DLG2: variants seen among roughly 807,000 people sequenced by gnomAD.
The protein encoded by DLG2 is discs large MAGUK scaffold protein 2.
DLG2 carries 45 observed loss-of-function variants against 132.5 expected under a neutral mutation model. That is an observed-to-expected ratio of 0.34 (90% CI 0.27 to 0.44). The LOEUF (loss-of-function observed/expected upper bound fraction) is 0.44. DLG2 is among the 20% of genes least tolerant of loss of function. The pLI, the probability that DLG2 is intolerant of heterozygous loss-of-function variation, is 1.00. For synonymous variants in DLG2, 424 were observed against 419.6 expected (o/e 1.01, Z -0.13); for missense variants, 1,045 against 1,196.9 (o/e 0.87, Z 1.87).
Position 83,471,741 on chromosome 11 carries a change from A to G in DLG2, c.2345-14T>C, listed in dbSNP as rs2092049277. ...GGGTGTAGTTTACTGCAGAATGGGA[A>G]AGGAAGATGTAGGTAAAGAGAAAGA... On this transcript the variant is annotated splice_polypyrimidine_tract_variant and intron_variant, in intron 23 of 27. Coordinates refer to ENST00000376104, the MANE Select transcript of DLG2 (RefSeq NM_001142699.3). The G allele has an allele frequency of 2.5e-6, 4 of 1,606,050 alleles. No individual in the cohort carries two copies. The highest frequency in any genetic ancestry group is 3.4e-6 in the Non-Finnish European group (4 of 1,173,316).
At chr11:83,951,138 A>G (rs993292582) in intron 14 of DLG2, among the ~76,000 whole-genome samples, 1 of 152,186 alleles carries the variant, frequency 6.6e-6, no homozygotes, top group Admixed American at 6.5e-5. Flanking sequence ...ACAGTATTAA[A>G]ACAAGCATTT....
intron 15 of DLG2, among the ~76,000 whole-genome samples, chr11:83,926,200 G>A (rs2078950863): frequency 6.6e-6 from 1 of 152,136 alleles, no homozygotes; most frequent in African/African-American, 2.4e-5. Context: ...CTGAGAACTT[G>A]GGTATTCCCA....
chr11:83,590,524 C>T (rs1293741209), intron 19 of DLG2, among the ~76,000 whole-genome samples: 11 of 151,634 alleles, frequency 7.3e-5, no homozygotes, highest in Non-Finnish European at 1.3e-4. Flanking sequence ...ACTAAATGCC[C>T]ACAAGAGAAA....
At chr11:84,461,043 A>G (rs964025345) in intron 7 of DLG2, among the ~76,000 whole-genome samples, 6 of 150,906 alleles carry the variant, frequency 4.0e-5, no homozygotes, top group Non-Finnish European at 8.9e-5. Flanking sequence ...TTCTTCAGCT[A>G]TATTTCTGGT....
intron 6 of DLG2, among the ~76,000 whole-genome samples, chr11:84,752,386 C>A (rs1031330272): frequency 6.6e-6 from 1 of 152,016 alleles, no homozygotes; most frequent in African/African-American, 2.4e-5. Context: ...TATTAGGTAG[C>A]AATATGTGCT....
intron 18 of DLG2, chr11:83,646,774 G>C (rs1379671819): frequency 6.6e-6 from 1 of 152,244 alleles, no homozygotes; most frequent in Non-Finnish European, 1.5e-5. Flanking sequence ...AGATGGGGGT[G>C]GGGGAGGGTC....
At chr11:85,497,426 C>T (rs981182072) in intron 3 of DLG2, among the ~76,000 whole-genome samples, 8 of 151,958 alleles carry the variant, frequency 5.3e-5, no homozygotes, top group East Asian at 1.9e-4. Flanking sequence ...TCTGGAACTA[C>T]GTGAACAGGC....
chr11:83,485,793 A>G (rs2093462894), intron 21 of DLG2, among the ~76,000 whole-genome samples: 1 of 152,134 alleles, frequency 6.6e-6, no homozygotes, highest in Non-Finnish European at 1.5e-5. Context: ...TCAAATATCC[A>G]TTTTGGTAAC....
intron 8 of DLG2, among the ~76,000 whole-genome samples, chr11:84,210,383 T>C (rs1443669019): frequency 9.6e-6 from 1 of 104,484 alleles, no homozygotes; most frequent in African/African-American, 3.6e-5. Context: ...CTGGGGACTG[T>C]GGTGGGGTGG....
At chr11:84,273,423 T>C (rs1459839442) in intron 7 of DLG2, 1 of 1,163,926 alleles carries the variant, frequency 8.6e-7, no homozygotes, top group Non-Finnish European at 1.1e-6. Flanking sequence ...AACATTTCTT[T>C]TGGGGGATAA....
At position 85,548,334 on chromosome 11, in the gene DLG2, G is replaced by T. The variant is rs553927051; in HGVS notation, c.40+50323C>A. 5.3e-5 allele frequency among the ~76,000 whole-genome samples: 8 copies of T among 152,300 alleles called. No individual in the cohort carries two copies. In the East Asian group the frequency reaches 1.5e-3, roughly 29 times the overall value. ...CTGGTGGAGGTTGCAGAACAGCAAA[G>T]ATTGCTGCCTGTTCCTTGCTCTGGA... On this transcript the variant is annotated intron_variant, in intron 3 of 27. Transcript: ENST00000376104.
At chr11:83,851,688 A>G (rs942823156) in intron 16 of DLG2, among the ~76,000 whole-genome samples, 10 of 151,264 alleles carry the variant, frequency 6.6e-5, no homozygotes, top group South Asian at 2.1e-4. Context: ...TTGGGAGGTC[A>G]AGGTGGGTGG....
chr11:83,703,592 T>C (rs1676702041), intron 18 of DLG2, among the ~76,000 whole-genome samples: 1 of 152,154 alleles, frequency 6.6e-6, no homozygotes, highest in Non-Finnish European at 1.5e-5. Context: ...GAGGTTGCAG[T>C]GAGCCGAGAT....
intron 6 of DLG2, among the ~76,000 whole-genome samples, chr11:85,004,321 T>C (rs1337367726): frequency 6.6e-6 from 1 of 152,222 alleles, no homozygotes; most frequent in Non-Finnish European, 1.5e-5. Flanking sequence ...GTTGAACTAA[T>C]TTACACTCCC....
rs78883720 is a variant in DLG2, at chr11:85,323,225, T to C, written c.41-37860A>G. Reference sequence around the variant, plus strand: ...ACCCTCTTCCAACCATTACTATCACTAACAGTCTCCTAAAATATTGTCAGC... The same window carrying C: ...ACCCTCTTCCAACCATTACTATCACCAACAGTCTCCTAAAATATTGTCAGC... On this transcript the variant is annotated intron_variant, in intron 3 of 27. Coordinates refer to ENST00000376104, the MANE Select transcript of DLG2 (RefSeq NM_001142699.3). Among the ~76,000 whole-genome samples the C allele has an allele frequency of 4.7e-3, 720 of 152,296 alleles. 27 individuals carry two copies. Among genetic ancestry groups the C allele is most frequent in the Admixed American group, 0.037 (568 of 15,294 alleles).
At chr11:85,529,219 A>G (rs2075018744) in intron 3 of DLG2, among the ~76,000 whole-genome samples, 1 of 152,200 alleles carries the variant, frequency 6.6e-6, no homozygotes, top group Admixed American at 6.5e-5. Context: ...CTTCACCTAC[A>G]TTCCTGAGTG....
At chr11:83,885,593 G>A (rs1269304953) in intron 15 of DLG2, among the ~76,000 whole-genome samples, 2 of 152,112 alleles carry the variant, frequency 1.3e-5, no homozygotes, top group African/African-American at 4.8e-5. Context: ...AGGAAATACA[G>A]AGAACGCCAC....
chr11:84,143,094 T>C (rs80142665), intron 9 of DLG2, among the ~76,000 whole-genome samples: 2,485 of 152,254 alleles, frequency 0.016, 66 homozygotes, highest in African/African-American at 0.057. Context: ...AGTGTCTTTG[T>C]AGAATTTCAG....
intron 3 of DLG2, among the ~76,000 whole-genome samples, chr11:85,458,198 C>A (rs1445435149): frequency 1.3e-5 from 2 of 152,176 alleles, no homozygotes; most frequent in African/African-American, 4.8e-5. Flanking sequence ...TAAGCTTTGA[C>A]ATTTTTTCCT....
Sources: allele counts gnomAD v4.1 joint callset (sites outside exome capture counted in the v4.1 genomes callset), GRCh38; gene constraint gnomAD v4.1.1; transcripts MANE v1.5; gene names NCBI Gene and HGNC (gene_info 2026-07-23, HGNC 2026-07-21).